Variants in SMYD2 observed in about 807,000 individuals in gnomAD.
SMYD2 encodes N-lysine methyltransferase SMYD2.
A neutral mutation model predicts 59.1 loss-of-function variants in SMYD2; 53 were observed. The observed-to-expected ratio is 0.90, with a 90% CI of 0.72 to 1.13. The LOEUF is 1.13. SMYD2 is among the 50% of genes most tolerant of loss of function. The pLI is 0.00. For synonymous variants in SMYD2, 208 were observed against 198.8 expected (o/e 1.05, Z -0.39); for missense variants, 494 against 544.7 (o/e 0.91, Z 0.93).
intron 1 of SMYD2, among the ~76,000 whole-genome samples, chr1:214,283,617 T>G (rs1656483035): frequency 6.6e-6 from 1 of 152,224 alleles, no homozygotes; most frequent in Non-Finnish European, 1.5e-5. Flanking sequence ...TCAGTTCCTC[T>G]GTCAGCAATT....
At chr1:214,325,596 CA>C (rs1188322701) in intron 6 of SMYD2, among the ~76,000 whole-genome samples, 1 of 152,130 alleles carries the variant, frequency 6.6e-6, no homozygotes, top group Non-Finnish European at 1.5e-5. Flanking sequence ...GCGTCTCTGC[CA>C]GACGCTGTGC....
At chr1:214,317,280 A>T (rs1012816824) in intron 3 of SMYD2, among the ~76,000 whole-genome samples, 8 of 152,220 alleles carry the variant, frequency 5.3e-5, no homozygotes, top group Non-Finnish European at 2.9e-5. Flanking sequence ...TTACCTGCCC[A>T]TCTTTTCATC....
chr1:214,281,449 C>G, intron 1 of SMYD2, 22 bp downstream of exon 1: 1 of 1,372,650 alleles, frequency 7.3e-7, no homozygotes, highest in Admixed American at 2.9e-5. Context: ...GCGGCGGCGG[C>G]GGCGGGCGGG....
chr1:214,287,837 G>C (rs1300140554), intron 1 of SMYD2, among the ~76,000 whole-genome samples: 1 of 152,156 alleles, frequency 6.6e-6, no homozygotes, highest in Non-Finnish European at 1.5e-5. Context: ...AGAGAGAAAT[G>C]GAAGAAAACA....
intron 1 of SMYD2, among the ~76,000 whole-genome samples, chr1:214,284,764 C>T (rs904042566): frequency 1.3e-5 from 2 of 152,100 alleles, no homozygotes. Context: ...GATCCACCCA[C>T]CTCAGCCTCT....
intron 1 of SMYD2, among the ~76,000 whole-genome samples, chr1:214,302,928 C>G (rs920874837): frequency 2.6e-5 from 4 of 152,146 alleles, no homozygotes; most frequent in African/African-American, 9.7e-5. Flanking sequence ...ATCAGGGGGT[C>G]TTAACGCTGG....
chr1:214,304,302 T>C (rs1159439680), intron 1 of SMYD2, among the ~76,000 whole-genome samples: 2 of 152,092 alleles, frequency 1.3e-5, no homozygotes, highest in Non-Finnish European at 2.9e-5. Flanking sequence ...CTCATGCCTA[T>C]AATACCAGCA....
intron 1 of SMYD2, among the ~76,000 whole-genome samples, chr1:214,292,121 A>AGAGAGAGAGAG: frequency 1.4e-5 from 2 of 146,616 alleles, no homozygotes; most frequent in African/African-American, 5.0e-5. Context: ...AGAGAGAGAG[A>AGAGAGAGAGAG]AGCCCACCTC....
Position 214,330,935 on chromosome 1 carries a change from G to A in SMYD2, c.817-15G>A. On this transcript the variant is annotated splice_polypyrimidine_tract_variant and intron_variant, in intron 8 of 11. Coordinates refer to ENST00000366957, the MANE Select transcript of SMYD2 (RefSeq NM_020197.3). ...ATGGGCGGTAACGCCTTGCCCTTGT[G>A]GACGTTTCCTTCAGGATAAGGCCAA... The A allele has an allele frequency of 6.2e-7, 1 of 1,613,878 alleles. No individual in the cohort carries two copies. Among genetic ancestry groups the A allele is most frequent in the Non-Finnish European group, 8.5e-7 (1 of 1,179,978 alleles).
intron 6 of SMYD2, among the ~76,000 whole-genome samples, chr1:214,326,789 C>T (rs962372652): frequency 2.0e-5 from 3 of 152,102 alleles, no homozygotes; most frequent in Non-Finnish European, 4.4e-5. Flanking sequence ...TGACATTGGC[C>T]ACCAGAGCAA....
intron 8 of SMYD2, among the ~76,000 whole-genome samples, 183 bp downstream of exon 8, chr1:214,330,461 C>T (rs1193199048): frequency 6.6e-6 from 1 of 152,112 alleles, no homozygotes; most frequent in Non-Finnish European, 1.5e-5. Flanking sequence ...CTCCTAGTAG[C>T]TAAAGAAAAC....
At chr1:214,305,739 T>C (rs1043226396) in intron 2 of SMYD2, among the ~76,000 whole-genome samples, 2 of 152,094 alleles carry the variant, frequency 1.3e-5, no homozygotes, top group Non-Finnish European at 2.9e-5. Context: ...GAACTCGTAA[T>C]TGGGGCCAGT....
chr1:214,321,257 T>C (rs1037402815), intron 5 of SMYD2, among the ~76,000 whole-genome samples: 1 of 152,096 alleles, frequency 6.6e-6, no homozygotes, highest in East Asian at 1.9e-4. Flanking sequence ...TATATATATA[T>C]ACACACACAT....
At chr1:214,287,560 C>T (rs1345944161) in intron 1 of SMYD2, among the ~76,000 whole-genome samples, 1 of 123,570 alleles carries the variant, frequency 8.1e-6, no homozygotes, top group Non-Finnish European at 1.6e-5. Context: ...GTACTCCAGC[C>T]TGGGAGACAG....
chr1:214,296,894 C>T (rs760058350), intron 1 of SMYD2, among the ~76,000 whole-genome samples: 1 of 152,186 alleles, frequency 6.6e-6, no homozygotes, highest in Non-Finnish European at 1.5e-5. Flanking sequence ...CTTGCACCTG[C>T]TTCTAGGATA....
At chr1:214,293,013 GT>G (rs1656661834) in intron 1 of SMYD2, among the ~76,000 whole-genome samples, 4 of 268 alleles carry the variant, frequency 0.015, no homozygotes, top group African/African-American at 0.069. Context: ...TTTTCTGTTT[GT>G]GTGTGTGTGT....
intron 1 of SMYD2, among the ~76,000 whole-genome samples, chr1:214,296,577 A>G (rs1426210587): frequency 6.6e-6 from 1 of 152,224 alleles, no homozygotes; most frequent in African/African-American, 2.4e-5. Flanking sequence ...AAAGTGTAGT[A>G]GTACCCAGCA....
chr1:214,315,410 G>C (rs535629579), intron 3 of SMYD2, among the ~76,000 whole-genome samples: 14 of 152,196 alleles, frequency 9.2e-5, no homozygotes, highest in African/African-American at 3.1e-4. Flanking sequence ...AAGGGAGAGG[G>C]GAAGAGAGTT....
intron 2 of SMYD2, 93 bp from the exon 3 acceptor site, chr1:214,314,669 C>T (rs1388397945): frequency 9.3e-6 from 8 of 862,872 alleles, no homozygotes; most frequent in Non-Finnish European, 1.5e-5. Flanking sequence ...TTTTACTTGA[C>T]CTTAACTAGG....
Sources: allele counts gnomAD v4.1 joint callset (sites outside exome capture counted in the v4.1 genomes callset), GRCh38; gene constraint gnomAD v4.1.1; transcripts MANE v1.5; gene names NCBI Gene and HGNC (gene_info 2026-07-23, HGNC 2026-07-21).